Variants in LINGO2 observed in about 807,000 individuals in gnomAD.
LINGO2 encodes leucine-rich repeat and immunoglobulin-like domain-containing nogo receptor-interacting protein 2.
Under a neutral mutation model 30.6 loss-of-function variants are expected in LINGO2, and 14 were observed. The ratio of observed to expected loss-of-function variants is 0.46; its 90% CI spans 0.30 to 0.72. LINGO2 has a LOEUF of 0.72. Ranked by LOEUF, LINGO2 falls within the 30% of genes least tolerant of loss-of-function variation. The probability of loss-of-function intolerance (pLI) is 0.07; values close to 1 mark genes in which losing one functional copy is unlikely to be tolerated. For synonymous variants in LINGO2, 317 were observed against 288.5 expected (o/e 1.10, Z -1.00); for missense variants, 729 against 751.7 (o/e 0.97, Z 0.35).
At chr9:28,674,456 T>C (rs1318595870), upstream of LINGO2, among the ~76,000 whole-genome samples, 1 of 152,166 alleles carries the variant, frequency 6.6e-6, no homozygotes, top group Non-Finnish European at 1.5e-5. Flanking sequence ...TAGGTAGAAA[T>C]AGTCTGTTGT....
At chr9:28,000,084 T>C (rs992009461) in intron 5 of LINGO2, among the ~76,000 whole-genome samples, 5 of 152,174 alleles carry the variant, frequency 3.3e-5, no homozygotes, top group African/African-American at 1.2e-4. Flanking sequence ...TTTAGATACT[T>C]AACAGGATAA....
intron 3 of LINGO2, among the ~76,000 whole-genome samples, chr9:28,366,817 T>C (rs1255194964): frequency 6.6e-6 from 1 of 152,058 alleles, no homozygotes; most frequent in Non-Finnish European, 1.5e-5. Context: ...AAAAGCCAAG[T>C]AGTTCTATAA....
chr9:29,160,729 G>C, the LINGO2 span, among the ~76,000 whole-genome samples: 43 of 152,284 alleles, frequency 2.8e-4, no homozygotes, highest in East Asian at 8.1e-3. Flanking sequence ...GAGATAATTT[G>C]ACAAATGTTG....
At chr9:27,970,514 G>T (rs1251596318) in intron 5 of LINGO2, among the ~76,000 whole-genome samples, 1 of 152,124 alleles carries the variant, frequency 6.6e-6, no homozygotes, top group Non-Finnish European at 1.5e-5. Flanking sequence ...GGGGGGCATT[G>T]TCATGTTTAC....
the LINGO2 span, among the ~76,000 whole-genome samples, chr9:28,751,491 CAT>C: frequency 6.6e-6 from 1 of 151,800 alleles, no homozygotes; most frequent in Non-Finnish European, 1.5e-5. Context: ...GAACATGGCC[CAT>C]ATTAACATGA....
chr9:28,944,145 C>G, the LINGO2 span, among the ~76,000 whole-genome samples: 1 of 152,160 alleles, frequency 6.6e-6, no homozygotes, highest in Non-Finnish European at 1.5e-5. Context: ...AGACAGTTAT[C>G]TTTGTCTGTA....
the LINGO2 span, among the ~76,000 whole-genome samples, chr9:28,746,284 C>T: frequency 6.6e-6 from 1 of 151,854 alleles, no homozygotes; most frequent in African/African-American, 2.4e-5. Flanking sequence ...CTTTAAAAGG[C>T]AAAACTTGTT....
chr9:29,074,678 CTTTTTTTTTTTTTT>C, the LINGO2 span, among the ~76,000 whole-genome samples: 2 of 88,006 alleles, frequency 2.3e-5, no homozygotes, highest in South Asian at 3.9e-4. Context: ...AAATTACTTA[CTTTTTTTTTTTTTT>C]TTTTTTTTTT....
At chr9:28,234,808 T>C (rs982441809) in intron 4 of LINGO2, among the ~76,000 whole-genome samples, 2 of 152,184 alleles carry the variant, frequency 1.3e-5, no homozygotes, top group Admixed American at 1.3e-4. Context: ...AGATGACCTA[T>C]TGTGGGACCT....
chr9:29,146,898 A>G, the LINGO2 span, among the ~76,000 whole-genome samples: 2 of 152,190 alleles, frequency 1.3e-5, no homozygotes, highest in Non-Finnish European at 2.9e-5. Flanking sequence ...CTTTTAAAAT[A>G]TTTCTCAATA....
At chr9:28,497,508 A>T (rs186738308) in intron 1 of LINGO2, among the ~76,000 whole-genome samples, 3 of 152,152 alleles carry the variant, frequency 2.0e-5, no homozygotes, top group African/African-American at 4.8e-5. Flanking sequence ...TTTCAGCTTC[A>T]TCAGGTCATT....
At chr9:28,653,208 G>T (rs1198093636) in intron 1 of LINGO2, among the ~76,000 whole-genome samples, 1 of 152,032 alleles carries the variant, frequency 6.6e-6, no homozygotes. Context: ...TGCCCATGTG[G>T]ACACCTCAAG....
At chr9:28,896,760 A>C in the LINGO2 span, among the ~76,000 whole-genome samples, 2 of 152,102 alleles carry the variant, frequency 1.3e-5, no homozygotes, top group East Asian at 3.9e-4. Context: ...TGATACTTGT[A>C]TCATATTAAT....
Position 28,346,725 on chromosome 9 carries a change from C to G in LINGO2, c.-246+26111G>C, listed in dbSNP as rs554000244. ...TATTTTTGATTTTTTAATAGCCATTCTGACTGGTGTGGGATCATAGCTCAT... is the reference window on the plus strand; with the variant it reads ...TATTTTTGATTTTTTAATAGCCATTGTGACTGGTGTGGGATCATAGCTCAT... On this transcript the variant is annotated intron_variant, in intron 3 of 5. Coordinates refer to ENST00000379992, the Ensembl canonical transcript of LINGO2. Among the ~76,000 whole-genome samples the G allele has an allele frequency of 5.3e-5, 8 of 152,170 alleles. No homozygotes were observed. In the South Asian group the frequency reaches 1.7e-3, roughly 32 times the overall value.
chr9:29,061,298 C>T, the LINGO2 span, among the ~76,000 whole-genome samples: 4 of 151,792 alleles, frequency 2.6e-5, no homozygotes, highest in East Asian at 1.9e-4. Context: ...CAATACAATC[C>T]CTATCAAAAT....
intron 4 of LINGO2, among the ~76,000 whole-genome samples, chr9:28,142,206 A>AAT (rs1827693181): frequency 6.8e-6 from 1 of 147,428 alleles, no homozygotes. Flanking sequence ...ATGCATTAGT[A>AAT]ATATATATAG....
intron 4 of LINGO2, among the ~76,000 whole-genome samples, chr9:28,093,963 T>G (rs1826172732): frequency 6.6e-6 from 1 of 152,126 alleles, no homozygotes; most frequent in African/African-American, 2.4e-5. Context: ...ATGTCTCATT[T>G]ATTACAAATT....
chr9:28,542,833 C>T (rs550804450), intron 1 of LINGO2, among the ~76,000 whole-genome samples: 7 of 151,980 alleles, frequency 4.6e-5, no homozygotes, highest in East Asian at 1.9e-4. Context: ...TGAAACAGTG[C>T]ATGAACCACA....
intron 1 of LINGO2, among the ~76,000 whole-genome samples, chr9:28,650,194 C>G (rs1828032208): frequency 6.6e-6 from 1 of 152,096 alleles, no homozygotes; most frequent in African/African-American, 2.4e-5. Flanking sequence ...ACTAGTGTTA[C>G]AACTCTCAAA....
Sources: gnomAD v4.1 joint callset for allele counts (sites outside exome capture counted in the v4.1 genomes callset) on GRCh38, gnomAD v4.1.1 for gene constraint, MANE v1.5 for transcripts, NCBI Gene and HGNC (gene_info 2026-07-23, HGNC 2026-07-21) for gene names.